Variants in ZDHHC20 observed in about 807,000 individuals in gnomAD.
The protein encoded by ZDHHC20 is zDHHC palmitoyltransferase 20.
Under a neutral mutation model 57.8 loss-of-function variants are expected in ZDHHC20, and 43 were observed. The observed-to-expected ratio is 0.74, with a 90% CI of 0.58 to 0.96. The LOEUF (loss-of-function observed/expected upper bound fraction) is 0.96. Ranked by LOEUF, ZDHHC20 falls within the 40% of genes least tolerant of loss-of-function variation. ZDHHC20 has a pLI of 0.00. For missense variants in ZDHHC20, 391 were observed against 441.1 expected, an observed-to-expected ratio of 0.89 and a Z score of 1.02; for synonymous variants, 157 against 153.0, an observed-to-expected ratio of 1.03 and a Z score of -0.19.
At position 21,401,687 on chromosome 13, in the gene ZDHHC20, T is replaced by C. The variant is rs373084234; in HGVS notation, c.441-2A>G. ...TGATGATCCATCTTAAGAATACATCTAGGAAACAAACAAGCATAAGAAAAT... is the reference window on the plus strand; with the variant it reads ...TGATGATCCATCTTAAGAATACATCCAGGAAACAAACAAGCATAAGAAAAT... On this transcript the variant is annotated splice_acceptor_variant, in intron 5 of 12. Transcript: ENST00000400590. LOFTEE classifies it high-confidence loss of function. The C allele has an allele frequency of 3.3e-6, 5 of 1,511,836 alleles. No individual in the cohort carries two copies. The highest frequency in any genetic ancestry group is 2.6e-6 in the Non-Finnish European group (3 of 1,134,034). The allele number at this position is 1,511,836 out of a possible 1,614,324, so 93.7% of individuals were successfully genotyped here.
chr13:21,459,131 A>C lies in ZDHHC20; in HGVS notation c.41T>G (p.Val14Gly). The C allele has an allele frequency of 9.3e-6, 15 of 1,606,630 alleles. No individual in the cohort carries two copies. Among genetic ancestry groups the C allele is most frequent in the Non-Finnish European group, 1.3e-5 (15 of 1,177,212 alleles). ...WTLWRCCQRV[V>G]GWVPVLFITF... is the part of the protein sequence containing the mutation. ...GATGAAGAGCACCGGCACCCAGCCCACGACGCGCTGGCAGCAGCGCCACAG... is the reference window on the plus strand; with the variant it reads ...GATGAAGAGCACCGGCACCCAGCCCCCGACGCGCTGGCAGCAGCGCCACAG... The change falls in exon 1 of 13, where the codon GTG (valine) becomes GGG (glycine). Residue 14 changes from valine (V) to glycine (G), a missense_variant. By Grantham distance (109) the Val-to-Gly change is moderately radical. Transcript: ENST00000400590.
At chr13:21,420,158 G>A (rs1162723488) in intron 3 of ZDHHC20, among the ~76,000 whole-genome samples, 3 of 152,058 alleles carry the variant, frequency 2.0e-5, no homozygotes, top group Admixed American at 1.3e-4. Context: ...ATGGTGATGC[G>A]TGCCTGTAAT....
rs140676269 is a variant in ZDHHC20, at chr13:21,375,154, T to C, written c.*1542A>G. ...GTGGAAAAAAGAAGAAAAAAATTTA[T>C]TGGGTGAATGAAAAGTGATTTTGCA... On this transcript the variant is annotated 3_prime_UTR_variant, in exon 13 of 13. Transcript: ENST00000400590. The C allele has an allele frequency of 1.0e-4, 47 of 456,448 alleles. No individual in the cohort carries two copies. The highest frequency in any genetic ancestry group is 3.5e-4 in the East Asian group (5 of 14,396). 28.3% of individuals were successfully genotyped at this position (456,448 alleles called of 1,614,324 possible). A position where few individuals can be genotyped will look rare whatever the true frequency, so the allele number is the denominator to read the frequency against.
chr13:21,378,732 T>C lies in ZDHHC20; in HGVS notation c.1067A>G (p.Asn356Ser). 6.8e-7 allele frequency: 1 copy of C among 1,460,432 alleles called. No homozygotes were observed. The highest frequency in any genetic ancestry group is 1.4e-5 in the African/African-American group (1 of 70,672). The allele number at this position is 1,460,432 out of a possible 1,614,324, so 90.5% of individuals were successfully genotyped here. ...TTCTATTGCCACTGTTACATGGTTATTTGTCCCTGTAAGCATATAATTATA... is the reference window on the plus strand; with the variant it reads ...TTCTATTGCCACTGTTACATGGTTACTTGTCCCTGTAAGCATATAATTATA... ...AEEGIVKSGTNNHVTVAIEN is the reference protein window; with the variant it reads ...AEEGIVKSGTSNHVTVAIEN The change falls in exon 12 of 13, where the codon AAT becomes AGT. Residue 356 changes from asparagine to serine, a missense_variant. Physicochemically the swap from Asn to Ser is conservative, Grantham distance 46. Around this residue, in one of 3 missense-constraint regions of ZDHHC20, gnomAD observed 197 missense variants for 220.8 expected, o/e 0.89. Transcript: ENST00000400590.
At chr13:21,423,009 C>T (rs1021371789) in intron 2 of ZDHHC20, among the ~76,000 whole-genome samples, 5 of 152,152 alleles carry the variant, frequency 3.3e-5, no homozygotes, top group Admixed American at 3.3e-4. Flanking sequence ...TTCCAGTTTA[C>T]AGATGTAAAC....
intron 4 of ZDHHC20, among the ~76,000 whole-genome samples, chr13:21,412,786 T>C (rs976874238): frequency 2.4e-4 from 36 of 151,780 alleles, no homozygotes; most frequent in Admixed American, 2.2e-3. Context: ...CTGGCCAACA[T>C]AGTGAAACCC....
chr13:21,381,699 A>G (rs1283130386), intron 10 of ZDHHC20, 150 bp from the exon 11 acceptor site: 5 of 617,324 alleles, frequency 8.1e-6, no homozygotes, highest in African/African-American at 3.7e-5. Context: ...TATCTTCAAA[A>G]TAAAAATAGG....
chr13:21,378,832 C>T, intron 11 of ZDHHC20, 94 bp from the exon 12 acceptor site: 1 of 636,766 alleles, frequency 1.6e-6, no homozygotes. Context: ...GCAAAAATGA[C>T]TATCATGTAA....
rs59898720 is a variant in ZDHHC20 at position 21,446,904 on chromosome 13, T to C, written c.118+12150A>G. Among the ~76,000 whole-genome samples, 137 of 152,218 alleles carry C rather than the reference T, an allele frequency of 9.0e-4. 1 individual carries two copies. The highest frequency in any genetic ancestry group is 3.2e-3 in the African/African-American group (131 of 41,544). On this transcript the variant is annotated intron_variant, in intron 1 of 12. Coordinates refer to ENST00000400590, the MANE Select transcript of ZDHHC20 (RefSeq NM_001330059.2). ...GAGGAAGAGTGGAAAGGAAATTATG[T>C]CAGAGAAGTAATGAAGTAATGAATA...
At chr13:21,435,481 G>A (rs894806858) in intron 1 of ZDHHC20, among the ~76,000 whole-genome samples, 11 of 152,152 alleles carry the variant, frequency 7.2e-5, no homozygotes, top group African/African-American at 2.7e-4. Context: ...ACAGAAACAA[G>A]ATGGAAACTG....
intron 3 of ZDHHC20, among the ~76,000 whole-genome samples, chr13:21,417,173 T>C (rs763145995): frequency 1.3e-5 from 2 of 151,710 alleles, no homozygotes; most frequent in Non-Finnish European, 2.9e-5. Context: ...CTCGGAGATT[T>C]ATCTGACTAT....
intron 4 of ZDHHC20, among the ~76,000 whole-genome samples, chr13:21,411,142 G>A (rs944794574): frequency 6.6e-5 from 10 of 152,288 alleles, no homozygotes; most frequent in African/African-American, 2.4e-4. Flanking sequence ...GTGCTTCCCG[G>A]GTGAGGCGAC....
intron 8 of ZDHHC20, chr13:21,390,222 G>A (rs1358766132): frequency 1.3e-5 from 2 of 152,174 alleles, no homozygotes; most frequent in African/African-American, 4.8e-5. Context: ...GCAGATTGCA[G>A]GTGGATTTTA....
intron 9 of ZDHHC20, among the ~76,000 whole-genome samples, chr13:21,386,238 T>C (rs892137389): frequency 6.6e-6 from 1 of 152,152 alleles, no homozygotes; most frequent in Non-Finnish European, 1.5e-5. Flanking sequence ...GGGAGGACTG[T>C]GAGTGACTGA....
At position 21,449,193 on chromosome 13, in the gene ZDHHC20, G is replaced by A. The variant is rs148653517; in HGVS notation, c.118+9861C>T. Reference sequence around the variant, plus strand: ...GACCCTGCCAAATCCCCCTCTGTGAGAAACACCCAAGAATTATCAATAAAA... The same window carrying A: ...GACCCTGCCAAATCCCCCTCTGTGAAAAACACCCAAGAATTATCAATAAAA... On this transcript the variant is annotated intron_variant, in intron 1 of 12. Coordinates refer to ENST00000400590, the MANE Select transcript of ZDHHC20 (RefSeq NM_001330059.2). 4.5e-3 allele frequency among the ~76,000 whole-genome samples: 669 copies of A among 148,002 alleles called. 10 individuals are homozygous for A. The highest frequency in any genetic ancestry group is 0.016 in the African/African-American group (632 of 40,108).
chr13:21,384,531 ATAT>A (rs1874098222), intron 9 of ZDHHC20, among the ~76,000 whole-genome samples: 1 of 150,992 alleles, frequency 6.6e-6, no homozygotes, highest in South Asian at 2.1e-4. Flanking sequence ...AGAGAGCAAG[ATAT>A]GCAGAGAAAT....
chr13:21,381,914 A>G (rs1184756175), intron 10 of ZDHHC20: 1 of 534,300 alleles, frequency 1.9e-6, no homozygotes, highest in African/African-American at 1.9e-5. Context: ...TCATTTGCCA[A>G]GTTTTCTGCT....
chr13:21,394,445 G>A (rs1298965196), intron 7 of ZDHHC20, among the ~76,000 whole-genome samples: 1 of 151,898 alleles, frequency 6.6e-6, no homozygotes, highest in Non-Finnish European at 1.5e-5. Flanking sequence ...TTTATTACTT[G>A]TCCCCCTCCT....
At chr13:21,436,746 A>G (rs902783439) in intron 1 of ZDHHC20, among the ~76,000 whole-genome samples, 2 of 152,210 alleles carry the variant, frequency 1.3e-5, no homozygotes, top group African/African-American at 4.8e-5. Context: ...TTCAGGTGAA[A>G]GGAAGAGTCA....
Sources: allele counts gnomAD v4.1 joint callset (sites outside exome capture counted in the v4.1 genomes callset), GRCh38; gene constraint gnomAD v4.1.1; regional missense constraint gnomAD v4.1.1; transcripts MANE v1.5; gene names NCBI Gene and HGNC (gene_info 2026-07-23, HGNC 2026-07-21).